Variants in MCTP2 observed in about 807,000 individuals in gnomAD.
MCTP2 encodes multiple C2 and transmembrane domain-containing protein 2.
MCTP2 carries 132 observed loss-of-function variants against 111.6 expected under a neutral mutation model. The observed-to-expected ratio is 1.18, with a 90% confidence interval of 1.03 to 1.37. The LOEUF (loss-of-function observed/expected upper bound fraction) is 1.37. Ranked by LOEUF, MCTP2 falls within the 40% of genes most tolerant of loss-of-function variation. MCTP2 has a pLI of 0.00. For synonymous variants in MCTP2, 395 were observed against 387.7 expected (o/e 1.02, Z -0.22); for missense variants, 1,183 against 1,067.9 (o/e 1.11, Z -1.50).
At chr15:94,370,713 A>T (rs930562975) in intron 12 of MCTP2, among the ~76,000 whole-genome samples, 1 of 152,144 alleles carries the variant, frequency 6.6e-6, no homozygotes, top group Non-Finnish European at 1.5e-5. Flanking sequence ...AAAGAGGCCA[A>T]AGCAGACATG....
intron 1 of MCTP2, among the ~76,000 whole-genome samples, chr15:94,284,419 C>A (rs1292818214): frequency 6.6e-6 from 1 of 152,152 alleles, no homozygotes; most frequent in Non-Finnish European, 1.5e-5. Flanking sequence ...AGTTAAGCAT[C>A]TTAAGTAACC....
At chr15:94,258,260 T>C (rs1323014557) in intron 1 of MCTP2, among the ~76,000 whole-genome samples, 1 of 152,132 alleles carries the variant, frequency 6.6e-6, no homozygotes, top group Non-Finnish European at 1.5e-5. Flanking sequence ...AATGAATGCT[T>C]CAGTTATCCA....
At chr15:94,325,812 A>ATTTTTTTTTTTTTTTTTTTTTTTTTTTTT (rs557989149) in intron 4 of MCTP2, among the ~76,000 whole-genome samples, 6 of 91,876 alleles carry the variant, frequency 6.5e-5, no homozygotes, top group African/African-American at 9.0e-5. Flanking sequence ...CATCGCTCCG[A>ATTTTTTTTTTTTTTTTTTTTTTTTTTTTT]TTTTTTTTTT....
intron 19 of MCTP2, among the ~76,000 whole-genome samples, chr15:94,444,843 T>C (rs1358230120): frequency 6.6e-6 from 1 of 152,210 alleles, no homozygotes; most frequent in Non-Finnish European, 1.5e-5. Flanking sequence ...TGGCCAAGCC[T>C]GTTTAAATGA....
At chr15:94,453,615 C>T (rs963958955) in intron 19 of MCTP2, among the ~76,000 whole-genome samples, 25 of 152,194 alleles carry the variant, frequency 1.6e-4, no homozygotes, top group Non-Finnish European at 4.4e-5. Context: ...TTAGAATATA[C>T]TATTTTACTC....
intron 19 of MCTP2, among the ~76,000 whole-genome samples, chr15:94,448,314 A>G (rs531761368): frequency 6.6e-6 from 1 of 152,138 alleles, no homozygotes; most frequent in African/African-American, 2.4e-5. Context: ...TCTGATTTCT[A>G]TTCTAAGGAT....
intron 1 of MCTP2, among the ~76,000 whole-genome samples, chr15:94,263,495 A>G (rs762370959): frequency 7.2e-5 from 11 of 152,218 alleles, no homozygotes; most frequent in Non-Finnish European, 1.3e-4. Context: ...CTCTGAACTC[A>G]TAGCCAACAG....
intron 1 of MCTP2, among the ~76,000 whole-genome samples, chr15:94,257,649 T>A (rs1332867940): frequency 7.6e-6 from 1 of 131,910 alleles, no homozygotes; most frequent in Non-Finnish European, 1.6e-5. Context: ...TGCAGCGGCA[T>A]GATCTCGGCC....
At chr15:94,266,415 C>T (rs2073536358) in intron 1 of MCTP2, among the ~76,000 whole-genome samples, 1 of 152,190 alleles carries the variant, frequency 6.6e-6, no homozygotes. Flanking sequence ...CTGTTTTGTT[C>T]ACTGTTGCAT....
At chr15:94,337,709 A>G (rs967087027) in intron 4 of MCTP2, among the ~76,000 whole-genome samples, 1 of 151,806 alleles carries the variant, frequency 6.6e-6, no homozygotes, top group African/African-American at 2.4e-5. Flanking sequence ...GCGCGTGTGC[A>G]TGCCCAAGTT....
chr15:94,377,183 T>A (rs1054886149), intron 12 of MCTP2, among the ~76,000 whole-genome samples: 1 of 152,232 alleles, frequency 6.6e-6, no homozygotes, highest in Non-Finnish European at 1.5e-5. Context: ...GCCCATATTA[T>A]GGTTTCATTT....
intron 7 of MCTP2, 128 bp from the exon 8 acceptor site, chr15:94,345,001 A>T: frequency 9.2e-7 from 1 of 1,087,942 alleles, no homozygotes; most frequent in Non-Finnish European, 1.3e-6. Context: ...CTATAACCTC[A>T]GAACTTGGAT....
At chr15:94,245,874 A>G (rs2071957832) in intron 1 of MCTP2, among the ~76,000 whole-genome samples, 1 of 151,942 alleles carries the variant, frequency 6.6e-6, no homozygotes, top group South Asian at 2.1e-4. Context: ...ACGTTTAAAC[A>G]GGGCAATAGA....
At chr15:94,279,069 C>T (rs1290328407) in intron 1 of MCTP2, among the ~76,000 whole-genome samples, 1 of 152,070 alleles carries the variant, frequency 6.6e-6, no homozygotes, top group Non-Finnish European at 1.5e-5. Flanking sequence ...TGGCTTTGTT[C>T]TTTTTGCTTA....
intron 14 of MCTP2, among the ~76,000 whole-genome samples, chr15:94,394,128 G>A (rs1353591957): frequency 6.7e-6 from 1 of 150,302 alleles, no homozygotes; most frequent in African/African-American, 2.4e-5. Context: ...ATTCAATTAT[G>A]ATCATGATGG....
chr15:94,238,012 A>G (rs1596122283), intron 1 of MCTP2, among the ~76,000 whole-genome samples: 1 of 151,988 alleles, frequency 6.6e-6, no homozygotes, highest in South Asian at 2.1e-4. Context: ...AACCAAACCA[A>G]TGTATTTCTT....
At chr15:94,236,834 T>C (rs949597014) in intron 1 of MCTP2, among the ~76,000 whole-genome samples, 1 of 152,072 alleles carries the variant, frequency 6.6e-6, no homozygotes, top group African/African-American at 2.4e-5. Flanking sequence ...CATAAGTTAT[T>C]GTAGATCAGG....
At chr15:94,399,741 T>C in intron 15 of MCTP2, 180 bp from the exon 16 acceptor site, 1 of 586,010 alleles carries the variant, frequency 1.7e-6, no homozygotes, top group Non-Finnish European at 3.1e-6. Context: ...CCAGGGACTC[T>C]TATCAAATGA....
intron 14 of MCTP2, among the ~76,000 whole-genome samples, chr15:94,397,151 A>G (rs2081321840): frequency 6.6e-6 from 1 of 152,186 alleles, no homozygotes; most frequent in South Asian, 2.1e-4. Context: ...AAGATAGTTA[A>G]GTCCCAAACA....
Sources: gnomAD v4.1 joint callset for allele counts (sites outside exome capture counted in the v4.1 genomes callset) on GRCh38, gnomAD v4.1.1 for gene constraint, MANE v1.5 for transcripts, NCBI Gene and HGNC (gene_info 2026-07-23, HGNC 2026-07-21) for gene names.